SHROOM3: variants seen among roughly 807,000 people sequenced by gnomAD.
SHROOM3 encodes protein Shroom3.
In SHROOM3, 47 loss-of-function variants were observed where a neutral mutation model predicts 138.6. That is an observed-to-expected ratio of 0.34 (90% confidence interval 0.27 to 0.43). The LOEUF is 0.43. SHROOM3 is among the 20% of genes least tolerant of loss of function. The pLI is 1.00. For synonymous variants in SHROOM3, 1,062 were observed against 1,063.3 expected, an observed-to-expected ratio of 1.00 and a Z score of 0.02; for missense variants, 2,491 against 2,596.5, an observed-to-expected ratio of 0.96 and a Z score of 0.88.
chr4:76,743,097 T>A (rs776795158), intron 5 of SHROOM3, among the ~76,000 whole-genome samples: 10 of 152,206 alleles, frequency 6.6e-5, no homozygotes, highest in Non-Finnish European at 1.5e-4. Flanking sequence ...AGTGATTAAT[T>A]CTGAGGTGAT....
At chr4:76,485,518 G>A (rs1016468657) in intron 1 of SHROOM3, among the ~76,000 whole-genome samples, 11 of 152,220 alleles carry the variant, frequency 7.2e-5, no homozygotes, top group South Asian at 2.1e-4. Flanking sequence ...AGCTTTGATC[G>A]TTTTGCACAA....
At chr4:76,683,340 G>T (rs1719250922) in intron 2 of SHROOM3, among the ~76,000 whole-genome samples, 1 of 151,984 alleles carries the variant, frequency 6.6e-6, no homozygotes, top group African/African-American at 2.4e-5. Context: ...AACAGCCTGG[G>T]GTGTGTTCTT....
At chr4:76,671,781 GT>G (rs1158156182) in intron 2 of SHROOM3, among the ~76,000 whole-genome samples, 3 of 152,188 alleles carry the variant, frequency 2.0e-5, no homozygotes, top group Non-Finnish European at 4.4e-5. Flanking sequence ...TACAGGTTAA[GT>G]ATCTCTTATC....
At chr4:76,635,496 A>G (rs1735468734) in intron 2 of SHROOM3, among the ~76,000 whole-genome samples, 1 of 152,206 alleles carries the variant, frequency 6.6e-6, no homozygotes, top group South Asian at 2.1e-4. Context: ...TTATTAAATA[A>G]GTACAGCCTG....
intron 10 of SHROOM3, among the ~76,000 whole-genome samples, chr4:76,774,323 A>G (rs1439553572): frequency 6.6e-6 from 1 of 152,226 alleles, no homozygotes; most frequent in Non-Finnish European, 1.5e-5. Context: ...CACCCAAAAA[A>G]TACTATAGCA....
At chr4:76,576,890 A>G (rs1339923012) in intron 2 of SHROOM3, among the ~76,000 whole-genome samples, 2 of 152,104 alleles carry the variant, frequency 1.3e-5, no homozygotes, top group African/African-American at 4.8e-5. Flanking sequence ...AAATAAAAAT[A>G]AAGGACTTTG....
chr4:76,690,033 G>T (rs1719473437), intron 2 of SHROOM3, among the ~76,000 whole-genome samples: 1 of 152,118 alleles, frequency 6.6e-6, no homozygotes, highest in Non-Finnish European at 1.5e-5. Context: ...TCCCACCAGG[G>T]CCCCTGCTGA....
intron 9 of SHROOM3, among the ~76,000 whole-genome samples, chr4:76,766,825 C>T (rs1274468480): frequency 3.3e-5 from 5 of 152,194 alleles, no homozygotes; most frequent in African/African-American, 9.7e-5. Flanking sequence ...GAACATTCAG[C>T]CAGGAGTGAC....
intron 2 of SHROOM3, among the ~76,000 whole-genome samples, chr4:76,685,289 C>T (rs993595308): frequency 6.6e-6 from 1 of 152,030 alleles, no homozygotes; most frequent in Admixed American, 6.6e-5. Flanking sequence ...CTTTTGGCTT[C>T]CCTGGGACAC....
At chr4:76,693,379 T>TTTTTTTTG (rs1719621645) in intron 2 of SHROOM3, among the ~76,000 whole-genome samples, 1 of 102,052 alleles carries the variant, frequency 9.8e-6, no homozygotes, top group Non-Finnish European at 1.9e-5. Flanking sequence ...TGTTTTTTTT[T>TTTTTTTTG]TTTTTTTTTT....
chr4:76,585,281 A>G (rs1161263129), intron 2 of SHROOM3, among the ~76,000 whole-genome samples: 1 of 152,222 alleles, frequency 6.6e-6, no homozygotes, highest in Non-Finnish European at 1.5e-5. Context: ...ATTCTTTTGC[A>G]AGGAAATTTA....
rs1425071119 is a variant in SHROOM3, at chr4:76,780,586, A to G, written c.*1409A>G. 6.6e-6 allele frequency: 1 copy of G among 152,078 alleles called. No individual in the cohort carries two copies. Among genetic ancestry groups the G allele is most frequent in the Non-Finnish European group, 1.5e-5 (1 of 68,010 alleles). The allele number at this position is 152,078 out of a possible 1,614,324, so 9.4% of individuals were successfully genotyped here. A position where few individuals can be genotyped will look rare whatever the true frequency, so the allele number is the denominator to read the frequency against. On this transcript the variant is annotated 3_prime_UTR_variant, in exon 11 of 11. Coordinates refer to ENST00000296043, the MANE Select transcript of SHROOM3 (RefSeq NM_020859.4). ...ACCAAATGCTCCTTCTCCCCTTAGTACATTTTCATTACTTAATGAAGTTTT... is the reference window on the plus strand; with the variant it reads ...ACCAAATGCTCCTTCTCCCCTTAGTGCATTTTCATTACTTAATGAAGTTTT...
At chr4:76,481,607 T>C (rs1402992573) in intron 1 of SHROOM3, among the ~76,000 whole-genome samples, 7 of 151,572 alleles carry the variant, frequency 4.6e-5, no homozygotes, top group Non-Finnish European at 1.0e-4. Context: ...TTCCAAACAA[T>C]AGAAAAAGAG....
At chr4:76,765,451 A>C (rs1722122932) in intron 9 of SHROOM3, among the ~76,000 whole-genome samples, 1 of 152,064 alleles carries the variant, frequency 6.6e-6, no homozygotes, top group Non-Finnish European at 1.5e-5. Context: ...CGGGGGGTTG[A>C]GGCTGTAGTG....
chr4:76,445,516 A>G (rs1285651930), intron 1 of SHROOM3, among the ~76,000 whole-genome samples: 1 of 152,188 alleles, frequency 6.6e-6, no homozygotes, highest in East Asian at 1.9e-4. Context: ...ATAAGAAGCC[A>G]GACATGCAAA....
chr4:76,509,672 G>C (rs1275953589), intron 1 of SHROOM3: 1 of 152,152 alleles, frequency 6.6e-6, no homozygotes, highest in African/African-American at 2.4e-5. Context: ...TGAGTTTCTG[G>C]CACTGGGTTC....
At chr4:76,675,940 C>G (rs537993042) in intron 2 of SHROOM3, among the ~76,000 whole-genome samples, 1 of 152,208 alleles carries the variant, frequency 6.6e-6, no homozygotes, top group South Asian at 2.1e-4. Flanking sequence ...AGGCTGAGAG[C>G]TGATACAGGC....
At chr4:76,462,381 A>G (rs565717824) in intron 1 of SHROOM3, among the ~76,000 whole-genome samples, 27 of 152,272 alleles carry the variant, frequency 1.8e-4, no homozygotes, top group Non-Finnish European at 3.5e-4. Flanking sequence ...CAAAAAAAAA[A>G]GCATGTCTAC....
chr4:76,586,147 C>A, intron 2 of SHROOM3: 1 of 638,384 alleles, frequency 1.6e-6, no homozygotes, highest in Non-Finnish European at 2.0e-6. Flanking sequence ...CTTACATCAG[C>A]GGGCCAGCTC....
Sources: gnomAD v4.1 joint callset for allele counts (sites outside exome capture counted in the v4.1 genomes callset) on GRCh38, gnomAD v4.1.1 for gene constraint, MANE v1.5 for transcripts, NCBI Gene and HGNC (gene_info 2026-07-23, HGNC 2026-07-21) for gene names.